Variants in NKAIN2 observed in about 807,000 individuals in gnomAD.
NKAIN2 encodes the protein sodium/potassium-transporting ATPase subunit beta-1-interacting protein 2.
In NKAIN2, 14 loss-of-function variants were observed where a neutral mutation model predicts 32.6. The observed-to-expected ratio is 0.43, with a 90% CI of 0.28 to 0.67. The LOEUF is 0.67. NKAIN2 is among the 30% of genes least tolerant of loss of function. The pLI, the probability that NKAIN2 is intolerant of heterozygous loss-of-function variation, is 0.17. For missense variants in NKAIN2, 198 were observed against 258.3 expected (o/e 0.77, Z 1.60); for synonymous variants, 80 against 87.2 (o/e 0.92, Z 0.46).
At chr6:124,112,535 C>T (rs1447355508) in intron 1 of NKAIN2, among the ~76,000 whole-genome samples, 1 of 152,120 alleles carries the variant, frequency 6.6e-6, no homozygotes, top group Non-Finnish European at 1.5e-5. Flanking sequence ...TAATGTGCCT[C>T]AGTGTGTATT....
At chr6:124,294,017 A>G (rs1009020139) in intron 2 of NKAIN2, among the ~76,000 whole-genome samples, 2 of 152,106 alleles carry the variant, frequency 1.3e-5, no homozygotes, top group Non-Finnish European at 1.5e-5. Flanking sequence ...TTGTGTTGCT[A>G]TAGCACACTA....
At chr6:124,617,247 C>T (rs1283590137) in intron 3 of NKAIN2, among the ~76,000 whole-genome samples, 3 of 152,144 alleles carry the variant, frequency 2.0e-5, no homozygotes, top group African/African-American at 7.2e-5. Context: ...GACATAAAAA[C>T]AACAGCTCTT....
At chr6:124,444,813 G>T (rs1357090183) in intron 3 of NKAIN2, among the ~76,000 whole-genome samples, 2 of 151,778 alleles carry the variant, frequency 1.3e-5, no homozygotes, top group Non-Finnish European at 2.9e-5. Flanking sequence ...GATTCAAGGA[G>T]CTTTTTTGAA....
At chr6:124,383,846 G>A (rs1030832037) in intron 3 of NKAIN2, among the ~76,000 whole-genome samples, 1 of 152,132 alleles carries the variant, frequency 6.6e-6, no homozygotes, top group Non-Finnish European at 1.5e-5. Context: ...GTTAGGAAAA[G>A]CTTGGACCAT....
intron 3 of NKAIN2, among the ~76,000 whole-genome samples, chr6:124,591,235 A>C (rs1220012045): frequency 1.3e-5 from 2 of 152,252 alleles, no homozygotes; most frequent in African/African-American, 4.8e-5. Context: ...TTTAAAAGTC[A>C]ACTATTTGCC....
At chr6:124,049,267 A>G (rs1049492696) in intron 1 of NKAIN2, among the ~76,000 whole-genome samples, 1 of 152,056 alleles carries the variant, frequency 6.6e-6, no homozygotes, top group African/African-American at 2.4e-5. Context: ...ATAAATACTA[A>G]ATGATTATGA....
At chr6:123,991,818 C>G (rs1283682254) in intron 1 of NKAIN2, among the ~76,000 whole-genome samples, 3 of 152,072 alleles carry the variant, frequency 2.0e-5, no homozygotes, top group Non-Finnish European at 4.4e-5. Context: ...GCTGAGATCG[C>G]ACCACTGCAC....
chr6:124,584,853 T>C (rs1420819186), intron 3 of NKAIN2, among the ~76,000 whole-genome samples: 1 of 152,122 alleles, frequency 6.6e-6, no homozygotes. Context: ...TACTCTATTG[T>C]TGGGAATATA....
chr6:123,811,269 G>A (rs887531450), intron 1 of NKAIN2, among the ~76,000 whole-genome samples: 13 of 152,068 alleles, frequency 8.5e-5, no homozygotes, highest in South Asian at 6.2e-4. Flanking sequence ...TTTCCAGCGC[G>A]TTTGTGTCTT....
intron 2 of NKAIN2, among the ~76,000 whole-genome samples, chr6:124,340,205 C>T (rs562464806): frequency 2.0e-5 from 3 of 152,220 alleles, no homozygotes; most frequent in South Asian, 4.1e-4. Flanking sequence ...GACAATGAGA[C>T]AGAAGTTGCT....
At chr6:124,519,089 AGAGT>A (rs777180308) in intron 3 of NKAIN2, among the ~76,000 whole-genome samples, 2 of 152,324 alleles carry the variant, frequency 1.3e-5, no homozygotes, top group African/African-American at 2.4e-5. Context: ...GAAATAGAGC[AGAGT>A]GAGTGAAGTT....
At chr6:124,822,220 C>A (rs1054861325) in intron 6 of NKAIN2, among the ~76,000 whole-genome samples, 3 of 152,122 alleles carry the variant, frequency 2.0e-5, no homozygotes, top group Non-Finnish European at 4.4e-5. Flanking sequence ...TAGTGAAAAA[C>A]CAAAACTGAC....
chr6:124,676,450 T>A (rs1773359355), intron 4 of NKAIN2, among the ~76,000 whole-genome samples: 1 of 152,222 alleles, frequency 6.6e-6, no homozygotes, highest in Non-Finnish European at 1.5e-5. Context: ...ATTTAATTGC[T>A]GTTTATTTCT....
chr6:124,777,424 C>T (rs10457452), intron 4 of NKAIN2, among the ~76,000 whole-genome samples: 63,946 of 151,958 alleles, frequency 0.42, 14,659 homozygotes, highest in Non-Finnish European at 0.51. Context: ...AGACTTTTAA[C>T]TTCTCTATGC....
chr6:124,174,094 C>T (rs1789036308), intron 1 of NKAIN2, among the ~76,000 whole-genome samples: 1 of 151,990 alleles, frequency 6.6e-6, no homozygotes, highest in Non-Finnish European at 1.5e-5. Context: ...AGTCAATATT[C>T]TGTATTAAAC....
In NKAIN2 at chr6:124,382,948, T is replaced by C. The variant is rs1002120901; in HGVS notation, c.273+27601T>C. ...CTGAAACCATCCAAAGTGGCTTATATGTTTCACAAGTTACTGGTCCTTACC... is the reference window on the plus strand; with the variant it reads ...CTGAAACCATCCAAAGTGGCTTATACGTTTCACAAGTTACTGGTCCTTACC... On this transcript the variant is annotated intron_variant, in intron 3 of 6. Coordinates refer to ENST00000368417, the MANE Select transcript of NKAIN2 (RefSeq NM_001040214.3). Among the ~76,000 whole-genome samples, 6 of 152,318 alleles carry C rather than the reference T, an allele frequency of 3.9e-5. No individual in the cohort carries two copies. The East Asian group carries it at 1.2e-3, about 29-fold the overall frequency.
intron 1 of NKAIN2, among the ~76,000 whole-genome samples, chr6:124,272,881 A>C (rs1014213627): frequency 5.9e-5 from 9 of 152,198 alleles, no homozygotes; most frequent in Non-Finnish European, 1.2e-4. Flanking sequence ...TTACAGCCCT[A>C]CTGGGTTTTG....
intron 1 of NKAIN2, among the ~76,000 whole-genome samples, chr6:123,960,834 G>GTAGA (rs1258813760): frequency 1.3e-5 from 2 of 151,932 alleles, no homozygotes; most frequent in African/African-American, 2.4e-5. Context: ...GATACACGGT[G>GTAGA]TAGAGTAAGG....
At position 123,894,362 on chromosome 6, in the gene NKAIN2, T is replaced by C. The variant is rs549344019; in HGVS notation, c.54+90108T>C. Among the ~76,000 whole-genome samples the C allele has an allele frequency of 6.6e-5, 10 of 152,288 alleles. No individual in the cohort carries two copies. The East Asian group carries it at 1.2e-3, about 18-fold the overall frequency. On this transcript the variant is annotated intron_variant, in intron 1 of 6. Transcript: ENST00000368417. The stretch of plus-strand genomic sequence containing the variant: ...AATCCTTATAGGCTTTTGGAATTAT[T>C]TGGGACTCAAGAATAACTCAACGAA...
Sources: allele counts gnomAD v4.1 joint callset (sites outside exome capture counted in the v4.1 genomes callset), GRCh38; gene constraint gnomAD v4.1.1; transcripts MANE v1.5; gene names NCBI Gene and HGNC (gene_info 2026-07-23, HGNC 2026-07-21).